CASTOR2: variants seen among roughly 807,000 people sequenced by gnomAD.
The protein encoded by CASTOR2 is cytosolic arginine sensor for mTORC1 subunit 2.
CASTOR2 carries 8 observed loss-of-function variants against 31.2 expected under a neutral mutation model. That is an observed-to-expected ratio of 0.26 (90% CI 0.15 to 0.46). The LOEUF (loss-of-function observed/expected upper bound fraction) is 0.46. CASTOR2 is among the 20% of genes least tolerant of loss of function. The probability of loss-of-function intolerance (pLI) is 0.99; values close to 1 mark genes in which losing one functional copy is unlikely to be tolerated. For synonymous variants in CASTOR2, 162 were observed against 158.7 expected (o/e 1.02, Z -0.16); for missense variants, 216 against 382.1 (o/e 0.57, Z 3.62).
At position 74,997,767 on chromosome 7, in the gene CASTOR2, A is replaced by T. The variant is rs1368119022; in HGVS notation, c.114-10227A>T. Among the ~76,000 whole-genome samples, 79 of 151,566 alleles carry T rather than the reference A, an allele frequency of 5.2e-4. 3 individuals carry two copies. Among genetic ancestry groups the T allele is most frequent in the African/African-American group, 1.9e-3 (77 of 41,358 alleles). On this transcript the variant is annotated intron_variant, in intron 1 of 8. Coordinates refer to ENST00000616305, the MANE Select transcript of CASTOR2 (RefSeq NM_001145064.3). ...TTTTTTTTAATCATAGGTACTTGTA[A>T]CTCTGTAAAAAGTCTACCCTGCCAT...
intron 1 of CASTOR2, among the ~76,000 whole-genome samples, chr7:74,986,983 G>A (rs1487645031): frequency 1.9e-3 from 285 of 152,330 alleles, no homozygotes; most frequent in African/African-American, 6.1e-3. Context: ...TTGAGCCCAG[G>A]AGTTTGAGGC....
chr7:75,011,253 A>AC (rs1248921155), intron 2 of CASTOR2, among the ~76,000 whole-genome samples: 1 of 143,700 alleles, frequency 7.0e-6, no homozygotes, highest in African/African-American at 2.6e-5. Context: ...ACATGGTGAA[A>AC]CCCCGTCTCT....
intron 2 of CASTOR2, among the ~76,000 whole-genome samples, chr7:75,011,957 A>G (rs1359318262): frequency 1.3e-5 from 2 of 151,030 alleles, no homozygotes; most frequent in African/African-American, 4.9e-5. Flanking sequence ...ACAGAGTGAG[A>G]CTCCGTCTTA....
intron 1 of CASTOR2, among the ~76,000 whole-genome samples, chr7:75,004,057 G>A (rs1229696328): frequency 6.6e-6 from 1 of 152,134 alleles, no homozygotes; most frequent in Non-Finnish European, 1.5e-5. Context: ...AGCCGAGGGC[G>A]CCGGGAGCAA....
In CASTOR2 at chr7:74,995,992, G is replaced by A. The variant is rs1481556184; in HGVS notation, c.114-12002G>A. On this transcript the variant is annotated intron_variant, in intron 1 of 8. Coordinates refer to ENST00000616305, the MANE Select transcript of CASTOR2 (RefSeq NM_001145064.3). ...GACCTTATCTCAAAAAAAAAAGATG[G>A]GCGAATGATCAGAGACTTTCTGAGA... Among the ~76,000 whole-genome samples the A allele has an allele frequency of 1.3e-4, 20 of 152,060 alleles. 1 individual carries two copies. Among genetic ancestry groups the A allele is most frequent in the African/African-American group, 4.8e-4 (20 of 41,506 alleles).
At chr7:75,024,607 G>C in intron 8 of CASTOR2, 27 bp from the exon 9 acceptor site, 2 of 1,551,280 alleles carry the variant, frequency 1.3e-6, no homozygotes, top group South Asian at 2.4e-5. Context: ...TCACGGGCAG[G>C]CATCTGCCTC....
rs1277311052 is a variant in CASTOR2, at chr7:75,017,692, C to T, written c.279C>T (p.Pro93=). 14 of 1,613,936 alleles carry T rather than the reference C, an allele frequency of 8.7e-6. No individual in the cohort carries two copies. In the African/African-American group the frequency reaches 9.3e-5, roughly 11 times the overall value. ...GTGGCAGCTTCTCCAGCTCCCAGCC[C>T]ATCGGCGTGACCAAGATCGCCAAGT... ...SGGGSFSSSQ[P]IGVTKIAKSV... is the part of the protein sequence containing the mutation. Residue 93 remains proline, a synonymous_variant, in exon 3 of 9, where the codon CCC becomes CCT. Transcript: ENST00000616305.
At chr7:74,985,458 G>C (rs1804039206) in intron 1 of CASTOR2, among the ~76,000 whole-genome samples, 1 of 151,850 alleles carries the variant, frequency 6.6e-6, no homozygotes, top group Non-Finnish European at 1.5e-5. Context: ...ATTCCTGCCT[G>C]TAGTGCCAAC....
intron 2 of CASTOR2, among the ~76,000 whole-genome samples, chr7:75,009,262 CTTTT>C (rs1161937896): frequency 3.3e-5 from 2 of 60,296 alleles, no homozygotes; most frequent in African/African-American, 7.1e-5. Flanking sequence ...GGCCTGAGAA[CTTTT>C]TTTTTTTTTT....
intron 5 of CASTOR2, 121 bp downstream of exon 5, chr7:75,019,216 G>T (rs1804935078): frequency 2.0e-6 from 3 of 1,492,564 alleles, no homozygotes; most frequent in East Asian, 4.9e-5. Flanking sequence ...AAGAGACACA[G>T]ACCTTCCCTG....
intron 1 of CASTOR2, among the ~76,000 whole-genome samples, chr7:74,997,128 A>G (rs1804371946): frequency 1.3e-5 from 2 of 151,676 alleles, no homozygotes; most frequent in Non-Finnish European, 2.9e-5. Flanking sequence ...ATAGCTCATC[A>G]CTGCAGCCTC....
Position 75,028,208 on chromosome 7 carries a change from C to A in CASTOR2, c.*3509C>A, listed in dbSNP as rs1805192097. The A allele has an allele frequency of 1.2e-6, 1 of 865,204 alleles. No individual in the cohort carries two copies. The highest frequency in any genetic ancestry group is 1.7e-5 in the African/African-American group (1 of 57,904). 53.6% of individuals were successfully genotyped at this position (865,204 alleles called of 1,614,324 possible). ...TCTCAGCTCACTGCAGCAACCTCCACTTCCTGGGTTCAAGCGAGTCTCCTA... is the reference window on the plus strand; with the variant it reads ...TCTCAGCTCACTGCAGCAACCTCCAATTCCTGGGTTCAAGCGAGTCTCCTA... On this transcript the variant is annotated 3_prime_UTR_variant, in exon 9 of 9. Coordinates refer to ENST00000616305, the MANE Select transcript of CASTOR2 (RefSeq NM_001145064.3).
intron 1 of CASTOR2, among the ~76,000 whole-genome samples, chr7:75,000,251 G>A (rs1804462021): frequency 6.6e-6 from 1 of 152,150 alleles, no homozygotes; most frequent in Non-Finnish European, 1.5e-5. Context: ...ATGCATGAAT[G>A]CTACTATTAG....
At position 75,027,714 on chromosome 7, in the gene CASTOR2, C is replaced by A; in HGVS notation, c.*3015C>A. 1 of 396,306 alleles carries A rather than the reference C, an allele frequency of 2.5e-6. No individual in the cohort carries two copies. The highest frequency in any genetic ancestry group is 4.7e-6 in the Non-Finnish European group (1 of 213,512). The allele number at this position is 396,306 out of a possible 1,614,324, so 24.5% of individuals were successfully genotyped here. On this transcript the variant is annotated 3_prime_UTR_variant, in exon 9 of 9. Transcript: ENST00000616305. ...CCGTGGGAGCTGCCCCCTGGGGACCCTGCTCCTCGGTCACAGGGGGCCCCT... is the reference window on the plus strand; with the variant it reads ...CCGTGGGAGCTGCCCCCTGGGGACCATGCTCCTCGGTCACAGGGGGCCCCT...
intron 1 of CASTOR2, among the ~76,000 whole-genome samples, chr7:74,989,318 G>C (rs1554437081): frequency 6.6e-6 from 1 of 150,394 alleles, no homozygotes; most frequent in Non-Finnish European, 1.5e-5. Flanking sequence ...ATGCAGTAGT[G>C]CAGTTATAGC....
chr7:75,029,862 G>T lies in CASTOR2; in HGVS notation c.*5163G>T, dbSNP rs979868238. The stretch of plus-strand genomic sequence containing the variant: ...AGGGAGGGGGTTAGGCCTGGTGGGG[G>T]CCCATTCAAAGGAGGCCGGGCTCGG... On this transcript the variant is annotated 3_prime_UTR_variant, in exon 9 of 9. Coordinates refer to ENST00000616305, the MANE Select transcript of CASTOR2 (RefSeq NM_001145064.3). 1.3e-5 allele frequency among the ~76,000 whole-genome samples: 2 copies of T among 152,158 alleles called. No individual in the cohort carries two copies. The highest frequency in any genetic ancestry group is 1.5e-5 in the Non-Finnish European group (1 of 68,034).
chr7:75,012,685 CTGGAG>C (rs1215617180), intron 2 of CASTOR2, among the ~76,000 whole-genome samples: 1 of 151,368 alleles, frequency 6.6e-6, no homozygotes, highest in Non-Finnish European at 1.5e-5. Context: ...GTTGTCCAGA[CTGGAG>C]TGTAGTGGCA....
chr7:75,022,038 G>T (rs1173677319), intron 7 of CASTOR2, 82 bp downstream of exon 7: 10 of 1,492,424 alleles, frequency 6.7e-6, no homozygotes, highest in Non-Finnish European at 8.2e-6. Context: ...GCAGTGACTC[G>T]GCCCCTGCTG....
chr7:74,997,614 T>C (rs1804382941), intron 1 of CASTOR2, among the ~76,000 whole-genome samples: 1 of 151,828 alleles, frequency 6.6e-6, no homozygotes, highest in African/African-American at 2.4e-5. Context: ...TTAGTAGAGA[T>C]GGGTTTTCAC....
Sources: gnomAD v4.1 joint callset for allele counts (sites outside exome capture counted in the v4.1 genomes callset) on GRCh38, gnomAD v4.1.1 for gene constraint, MANE v1.5 for transcripts, NCBI Gene and HGNC (gene_info 2026-07-23, HGNC 2026-07-21) for gene names.